STARD8: variants seen among roughly 807,000 people sequenced by gnomAD.
The protein encoded by STARD8 is StAR related lipid transfer domain containing 8.
STARD8 carries 25 observed loss-of-function variants against 69.4 expected under a neutral mutation model. That is an observed-to-expected ratio of 0.36 (90% CI 0.26 to 0.50). The LOEUF (loss-of-function observed/expected upper bound fraction) is 0.50, where lower values mean the gene tolerates loss of function less well. STARD8 is among the 20% of genes least tolerant of loss of function. The pLI, the probability that STARD8 is intolerant of heterozygous loss-of-function variation, is 0.96. For missense variants in STARD8, 921 were observed against 932.5 expected, an observed-to-expected ratio of 0.99 and a Z score of 0.16; for synonymous variants, 389 against 374.6, an observed-to-expected ratio of 1.04 and a Z score of -0.45.
At position 68,720,956 on chromosome X, in the gene STARD8, C is replaced by G. The variant is rs1347196323; in HGVS notation, c.2082C>G (p.Ser694=). 8.3e-7 allele frequency: 1 copy of G among 1,209,551 alleles called. No homozygotes were observed. Among genetic ancestry groups the G allele is most frequent in the Admixed American group, 2.2e-5 (1 of 45,709 alleles). Residue 694 remains serine (S), a synonymous_variant, in exon 9 of 15, where the codon TCC becomes TCG. Coordinates refer to ENST00000374599, the MANE Select transcript of STARD8 (RefSeq NM_001142503.3). ...TCTTCCGCAAGTCTGGGGTCAAGTCCAGGATCCAGAACCTGCGTCAAATGA... is the reference window on the plus strand; with the variant it reads ...TCTTCCGCAAGTCTGGGGTCAAGTCGAGGATCCAGAACCTGCGTCAAATGA... ...VGIFRKSGVK[S]RIQNLRQMNE...
rs769261058 is a variant in STARD8, at chrX:68,662,182, T to C, written c.46-3317T>C. ...GCCACCACGCCCAGCTAATTTTTTG[T>C]ATTTTTAGTAGAGACAGGGTTTTTC... is the stretch of plus-strand genomic sequence containing the variant. On this transcript the variant is annotated intron_variant, in intron 1 of 14. Coordinates refer to ENST00000374599, the MANE Select transcript of STARD8 (RefSeq NM_001142503.3). Among the ~76,000 whole-genome samples the C allele has an allele frequency of 3.7e-3, 400 of 109,586 alleles. 3 individuals are homozygous for C. The highest frequency in any genetic ancestry group is 0.013 in the African/African-American group (389 of 30,079).
intron 2 of STARD8, among the ~76,000 whole-genome samples, chrX:68,684,095 T>A (rs2079816295): frequency 8.9e-6 from 1 of 112,803 alleles, no homozygotes; most frequent in South Asian, 3.6e-4. Flanking sequence ...TCAGCTTTTA[T>A]TAGATCCATT....
At position 68,717,405 on chromosome X, in the gene STARD8, G is replaced by C; in HGVS notation, c.491G>C (p.Ser164Thr). 8.3e-7 allele frequency: 1 copy of C among 1,209,569 alleles called. No individual in the cohort carries two copies. Among genetic ancestry groups the C allele is most frequent in the Non-Finnish European group, 1.1e-6 (1 of 894,854 alleles). The change falls in exon 6 of 15, where the codon AGC becomes ACC. Residue 164 changes from serine to threonine, a missense_variant. Ser to Thr is a moderately conservative substitution (Grantham distance 58, BLOSUM62 1). Coordinates refer to ENST00000374599, the MANE Select transcript of STARD8 (RefSeq NM_001142503.3). ...ACCTCTCTGCCAGTCATCACCGTGA[G>C]CCTACCACCCGAGCCAGCAGACTTG... Reference protein sequence around the residue: ...SATSLPVITVSLPPEPADLPL... With the variant: ...SATSLPVITVTLPPEPADLPL...
At chrX:68,680,357 C>A (rs1316149589) in intron 2 of STARD8, among the ~76,000 whole-genome samples, 2 of 111,901 alleles carry the variant, frequency 1.8e-5, no homozygotes, top group African/African-American at 6.5e-5. Context: ...CTCTGAGGAC[C>A]CACCAGCTCC....
intron 12 of STARD8, 143 bp from the exon 13 acceptor site, chrX:68,723,483 C>T (rs1602621679): frequency 6.0e-6 from 3 of 503,145 alleles, no homozygotes; most frequent in East Asian, 7.3e-5. Context: ...AGCACTGTCT[C>T]AGTCTGGCCA....
intron 3 of STARD8, among the ~76,000 whole-genome samples, chrX:68,714,044 A>G (rs1056528154): frequency 8.9e-6 from 1 of 111,862 alleles, no homozygotes; most frequent in African/African-American, 3.3e-5. Flanking sequence ...TCTTGAATCA[A>G]TCCACTGCTT....
At chrX:68,698,040 A>G (rs1476402380) in intron 2 of STARD8, among the ~76,000 whole-genome samples, 1 of 111,794 alleles carries the variant, frequency 8.9e-6, no homozygotes, top group Admixed American at 9.4e-5. Flanking sequence ...CTCCCTGTCC[A>G]CCTCAGGCCT....
intron 3 of STARD8, among the ~76,000 whole-genome samples, chrX:68,713,601 C>T (rs1453385381): frequency 9.0e-6 from 1 of 111,473 alleles, no homozygotes; most frequent in Non-Finnish European, 1.9e-5. Context: ...CTCCTTCCTT[C>T]GGCTTCTGGA....
chrX:68,673,324 C>T (rs2079741776), intron 2 of STARD8, among the ~76,000 whole-genome samples: 1 of 112,231 alleles, frequency 8.9e-6, no homozygotes, highest in South Asian at 3.7e-4. Context: ...TCAGGCCTTG[C>T]CAAGTACATG....
rs1474056710 is a variant in STARD8, at chrX:68,647,940, C to T, written c.45+13C>T. ...CAGGAAGGTGAAGGTAAGTGACTGG[C>T]CAGCCCCAGCCCATCCCGCTGCTCA... On this transcript the variant is annotated intron_variant, in intron 1 of 14. Transcript: ENST00000374599. The T allele has an allele frequency of 1.7e-6, 2 of 1,194,151 alleles. No homozygotes were observed. The highest frequency in any genetic ancestry group is 3.0e-5 in the East Asian group (1 of 32,803).
intron 1 of STARD8, among the ~76,000 whole-genome samples, chrX:68,650,467 GGGAGGAGGAGGAGGGGAGGA>G (rs1399706341): frequency 3.9e-5 from 3 of 76,529 alleles, no homozygotes; most frequent in African/African-American, 1.6e-4. Flanking sequence ...AGAGGAGGAG[GGGAGGAGGAGGAGGGGAGGA>G]GGAGGAGGAG....
chrX:68,680,737 G>T (rs1418269560), intron 2 of STARD8, among the ~76,000 whole-genome samples: 1 of 110,875 alleles, frequency 9.0e-6, no homozygotes, highest in Non-Finnish European at 1.9e-5. Flanking sequence ...CAGGAAGTGG[G>T]GGTGGGGGCC....
chrX:68,686,839 C>T (rs997276569), intron 2 of STARD8, among the ~76,000 whole-genome samples: 1 of 111,719 alleles, frequency 9.0e-6, no homozygotes, highest in African/African-American at 3.3e-5. Context: ...GCAGTCTATC[C>T]GGCTTCGTCC....
At chrX:68,704,377 C>T (rs1418905775) in intron 2 of STARD8, among the ~76,000 whole-genome samples, 1 of 111,501 alleles carries the variant, frequency 9.0e-6, no homozygotes, top group African/African-American at 3.3e-5. Flanking sequence ...TCAAGACTAT[C>T]TGCCCCAGGC....
At chrX:68,686,168 G>A (rs946059144) in intron 2 of STARD8, among the ~76,000 whole-genome samples, 4 of 111,242 alleles carry the variant, frequency 3.6e-5, no homozygotes, top group Non-Finnish European at 7.6e-5. Flanking sequence ...CCTGGAAGAA[G>A]GCTTCCTATG....
rs139960775 is a variant in STARD8 at position 68,668,858 on chromosome X, C to T, written c.79+3326C>T. ...AACCTGATTTTAAATAATAACCTCA[C>T]CCTAAGCCATAATATCTATGAAATT... On this transcript the variant is annotated intron_variant, in intron 2 of 14. Transcript: ENST00000374599. Among the ~76,000 whole-genome samples, 426 of 112,094 alleles carry T rather than the reference C, an allele frequency of 3.8e-3. 3 individuals are homozygous for T. The highest frequency in any genetic ancestry group is 0.013 in the African/African-American group (413 of 30,856).
rs373906511 is a variant in STARD8 at position 68,717,290 on chromosome X, C to T, written c.376C>T (p.Pro126Ser). 4 of 1,204,959 alleles carry T rather than the reference C, an allele frequency of 3.3e-6. No homozygotes were observed. The highest frequency in any genetic ancestry group is 4.5e-6 in the Non-Finnish European group (4 of 892,177). The change falls in exon 6 of 15, where the codon CCT becomes TCT. Residue 126 changes from proline (P) to serine (S), a missense_variant. By Grantham distance (74) the Pro-to-Ser change is moderately conservative. Coordinates refer to ENST00000374599, the MANE Select transcript of STARD8 (RefSeq NM_001142503.3). ...AFQQESKCWS[P>S]MGSSDLLAPP... ...CCAGCAGGAAAGTAAGTGCTGGTCT[C>T]CTATGGGGTCCTCTGATCTGTTGGC...
chrX:68,654,709 C>G (rs1454043825), intron 1 of STARD8, among the ~76,000 whole-genome samples: 1 of 110,944 alleles, frequency 9.0e-6, no homozygotes, highest in African/African-American at 3.3e-5. Flanking sequence ...AGGTTTCACA[C>G]CCCCTGTGCA....
intron 2 of STARD8, among the ~76,000 whole-genome samples, chrX:68,690,432 A>G (rs59380588): frequency 0.061 from 5,309 of 87,545 alleles, 507 homozygotes; most frequent in African/African-American, 0.24. Context: ...CCAGGCAGGC[A>G]GGGCGGGGGG....
Sources: allele counts gnomAD v4.1 joint callset (sites outside exome capture counted in the v4.1 genomes callset), GRCh38; gene constraint gnomAD v4.1.1; transcripts MANE v1.5; gene names NCBI Gene and HGNC (gene_info 2026-07-23, HGNC 2026-07-21).